OR4K17: variants seen among roughly 807,000 people sequenced by gnomAD.
The protein encoded by OR4K17 is olfactory receptor family 4 subfamily K member 17.
For synonymous variants in OR4K17, 157 were observed against 132.8 expected (o/e 1.18, Z -1.25); for missense variants, 480 against 366.3 (o/e 1.31, Z -2.53).
Position 20,118,045 on chromosome 14 carries a change from T to C in OR4K17, c.546T>C (p.Pro182=). ...NVVDSIFCDL[P]LVTKLACIDI... ...TAGACAGCATTTTTTGTGACCTCCCTTTGGTTACTAAGCTTGCCTGTATAG... is the reference window on the plus strand; with the variant it reads ...TAGACAGCATTTTTTGTGACCTCCCCTTGGTTACTAAGCTTGCCTGTATAG... The change falls in exon 2 of 2, where the codon CCT becomes CCC. Residue 182 remains proline (P), a synonymous_variant. Coordinates refer to ENST00000641386, the MANE Select transcript of OR4K17 (RefSeq NM_001004715.5). The C allele has an allele frequency of 6.2e-7, 1 of 1,614,200 alleles. No individual in the cohort carries two copies. Among genetic ancestry groups the C allele is most frequent in the Non-Finnish European group, 8.5e-7 (1 of 1,180,034 alleles).
In OR4K17 at chr14:20,121,227, A is replaced by G. The variant is rs1878160672; in HGVS notation, c.*2789A>G. 6.6e-6 allele frequency: 1 copy of G among 152,194 alleles called. No individual in the cohort carries two copies. Among genetic ancestry groups the G allele is most frequent in the African/African-American group, 2.4e-5 (1 of 41,456 alleles). 9.4% of individuals were successfully genotyped at this position (152,194 alleles called of 1,614,324 possible). On this transcript the variant is annotated 3_prime_UTR_variant, in exon 2 of 2. Transcript: ENST00000641386. ...GGAGTATCACCATGAAAGGAACACAATAATTTTCCAGTATCTGTCTCCAAA... is the reference window on the plus strand; with the variant it reads ...GGAGTATCACCATGAAAGGAACACAGTAATTTTCCAGTATCTGTCTCCAAA...
At position 20,117,969 on chromosome 14, in the gene OR4K17, G is replaced by C; in HGVS notation, c.470G>C (p.Gly157Ala). 1 of 1,614,024 alleles carries C rather than the reference G, an allele frequency of 6.2e-7. No homozygotes were observed. The highest frequency in any genetic ancestry group is 8.5e-7 in the Non-Finnish European group (1 of 1,179,994). ...TGGCTCTTGGGTCTCCTTCACTCAGGGTTTCAGATACCATTTGCTGTGAAC... is the reference window on the plus strand; with the variant it reads ...TGGCTCTTGGGTCTCCTTCACTCAGCGTTTCAGATACCATTTGCTGTGAAC... ...TSWLLGLLHS[G>A]FQIPFAVNLP... The change falls in exon 2 of 2, where the codon GGG becomes GCG. Residue 157 changes from glycine to alanine, a missense_variant. Physicochemically the swap from Gly to Ala is moderately conservative, Grantham distance 60. Coordinates refer to ENST00000641386, the MANE Select transcript of OR4K17 (RefSeq NM_001004715.5).
intron 1 of OR4K17, among the ~76,000 whole-genome samples, chr14:20,116,905 T>A (rs1239853036): frequency 6.6e-6 from 1 of 152,136 alleles, no homozygotes; most frequent in Non-Finnish European, 1.5e-5. Context: ...TGGTGGAAGA[T>A]AAGGAGGAAA....
At position 20,122,175 on chromosome 14, in the gene OR4K17, G is replaced by A. The variant is rs1012794997; in HGVS notation, c.*3737G>A. 6.6e-6 allele frequency: 1 copy of A among 151,898 alleles called. No individual in the cohort carries two copies. Among genetic ancestry groups the A allele is most frequent in the African/African-American group, 2.4e-5 (1 of 41,402 alleles). 9.4% of individuals were successfully genotyped at this position (151,898 alleles called of 1,614,324 possible). A position where few individuals can be genotyped will look rare whatever the true frequency, so the allele number is the denominator to read the frequency against. ...AACAAAAGACACAGAGTGGCTAAAT[G>A]AATAAAAAGATAAAACCCAACTACA... On this transcript the variant is annotated 3_prime_UTR_variant, in exon 2 of 2. Transcript: ENST00000641386.
chr14:20,117,842 T>A lies in OR4K17; in HGVS notation c.343T>A (p.Leu115Met). 6.2e-7 allele frequency: 1 copy of A among 1,614,124 alleles called. No individual in the cohort carries two copies. The highest frequency in any genetic ancestry group is 1.1e-5 in the South Asian group (1 of 91,080). ...ACTGGGTGGGGTTGAAATGGTACTG[T>A]TGGTCTCCATGGCTTTTGACAGATA... ...HLLGGVEMVL[L>M]VSMAFDRYVA... Residue 115 changes from leucine to methionine, a missense_variant, in exon 2 of 2, where the codon TTG becomes ATG. Physicochemically the swap from Leu to Met is conservative, Grantham distance 15. Coordinates refer to ENST00000641386, the MANE Select transcript of OR4K17 (RefSeq NM_001004715.5).
At chr14:20,114,451 C>A (rs1877944768) in intron 1 of OR4K17, among the ~76,000 whole-genome samples, 1 of 151,932 alleles carries the variant, frequency 6.6e-6, no homozygotes, top group African/African-American at 2.4e-5. Flanking sequence ...CATTGTTTGG[C>A]ATATCCAATT....
At position 20,121,679 on chromosome 14, in the gene OR4K17, T is replaced by A. The variant is rs1195254779; in HGVS notation, c.*3241T>A. 1 of 150,868 alleles carries A rather than the reference T, an allele frequency of 6.6e-6. No homozygotes were observed. Among genetic ancestry groups the A allele is most frequent in the Non-Finnish European group, 1.5e-5 (1 of 67,636 alleles). 9.3% of individuals were successfully genotyped at this position (150,868 alleles called of 1,614,324 possible). A position where few individuals can be genotyped will look rare whatever the true frequency, so the allele number is the denominator to read the frequency against. On this transcript the variant is annotated 3_prime_UTR_variant, in exon 2 of 2. Coordinates refer to ENST00000641386, the MANE Select transcript of OR4K17 (RefSeq NM_001004715.5). ...AGCATATGCTGGAGAAAATAAACTA[T>A]GAATAAATGAAGACGAAAGAGAAAG... is the stretch of plus-strand genomic sequence containing the variant.
At position 20,119,276 on chromosome 14, in the gene OR4K17, T is replaced by G. The variant is rs1878101559; in HGVS notation, c.*838T>G. 3 of 152,202 alleles carry G rather than the reference T, an allele frequency of 2.0e-5. No homozygotes were observed. The South Asian group carries it at 6.2e-4, about 32-fold the overall frequency. The allele number at this position is 152,202 out of a possible 1,614,324, so 9.4% of individuals were successfully genotyped here. A position where few individuals can be genotyped will look rare whatever the true frequency, so the allele number is the denominator to read the frequency against. On this transcript the variant is annotated 3_prime_UTR_variant, in exon 2 of 2. Coordinates refer to ENST00000641386, the MANE Select transcript of OR4K17 (RefSeq NM_001004715.5). ...ATATTGTTTAAACACACATGCTTTA[T>G]GAACAATTTGTGCCATTAACATAAT...
rs1332407906 is a variant in OR4K17, at chr14:20,121,274, CCAGA to C, written c.*2839_*2842del. The C allele has an allele frequency of 1.3e-5, 2 of 152,100 alleles. No individual in the cohort carries two copies. Among genetic ancestry groups the C allele is most frequent in the Admixed American group, 1.3e-4 (2 of 15,260 alleles). 9.4% of individuals were successfully genotyped at this position (152,100 alleles called of 1,614,324 possible). A position where few individuals can be genotyped will look rare whatever the true frequency, so the allele number is the denominator to read the frequency against. On this transcript the variant is annotated 3_prime_UTR_variant, in exon 2 of 2. Coordinates refer to ENST00000641386, the MANE Select transcript of OR4K17 (RefSeq NM_001004715.5). ...CAAAGAAACAGAGACCTATGAACTC[CCAGA>C]CAAAGACTTCACAATAATTGTCTTA...
rs1459064552 is a variant in OR4K17 at position 20,119,330 on chromosome 14, C to T, written c.*892C>T. 7 of 152,052 alleles carry T rather than the reference C, an allele frequency of 4.6e-5. No individual in the cohort carries two copies. The highest frequency in any genetic ancestry group is 1.7e-4 in the African/African-American group (7 of 41,392). 9.4% of individuals were successfully genotyped at this position (152,052 alleles called of 1,614,324 possible). On this transcript the variant is annotated 3_prime_UTR_variant, in exon 2 of 2. Transcript: ENST00000641386. Reference sequence around the variant, plus strand: ...CACAGGGTCCTGAGGCAACATACATCCTCAGCTTAAGAAGATGATGGGATT... The same window carrying T: ...CACAGGGTCCTGAGGCAACATACATTCTCAGCTTAAGAAGATGATGGGATT...
intron 1 of OR4K17, among the ~76,000 whole-genome samples, chr14:20,115,783 AG>A (rs1159069997): frequency 1.3e-5 from 2 of 152,120 alleles, no homozygotes; most frequent in African/African-American, 4.8e-5. Flanking sequence ...AAGTGACATG[AG>A]CTCTAGGGAG....
Position 20,117,655 on chromosome 14 carries a change from C to A in OR4K17, c.156C>A (p.Thr52=), listed in dbSNP as rs769129507. 71 of 1,613,702 alleles carry A rather than the reference C, an allele frequency of 4.4e-5. No homozygotes were observed. Among genetic ancestry groups the A allele is most frequent in the Non-Finnish European group, 5.8e-5 (69 of 1,179,886 alleles). The change falls in exon 2 of 2, where the codon ACC becomes ACA. Residue 52 remains threonine, a synonymous_variant. Transcript: ENST00000641386. ...NLLIIVTVFN[T]PNLNTPMYFL... ...TTATTATAGTCACAGTGTTTAACAC[C>A]CCTAACCTGAATACTCCCATGTATT...
In OR4K17 at chr14:20,118,016, G is replaced by A; in HGVS notation, c.517G>A (p.Val173Met). 5 of 1,614,160 alleles carry A rather than the reference G, an allele frequency of 3.1e-6. No individual in the cohort carries two copies. Among genetic ancestry groups the A allele is most frequent in the Non-Finnish European group, 4.2e-6 (5 of 1,180,014 alleles). ...AVNLPFCGPN[V>M]VDSIFCDLPL... ...GAACTTGCCCTTTTGTGGTCCCAATGTGGTAGACAGCATTTTTTGTGACCT... is the reference window on the plus strand; with the variant it reads ...GAACTTGCCCTTTTGTGGTCCCAATATGGTAGACAGCATTTTTTGTGACCT... The change falls in exon 2 of 2, where the codon GTG (valine) becomes ATG (methionine). Residue 173 changes from valine (V) to methionine (M), a missense_variant. Transcript: ENST00000641386.
rs1048851117 is a variant in OR4K17, at chr14:20,115,396, A to C, written c.-32-2072A>C. On this transcript the variant is annotated intron_variant, in intron 1 of 1. Transcript: ENST00000641386. ...GTATATGCTTATACAATGTTTACAA[A>C]ATGGGTTCATACTGTTTTTAACTTA... 2.0e-5 allele frequency among the ~76,000 whole-genome samples: 3 copies of C among 152,222 alleles called. No individual in the cohort carries two copies. In the East Asian group the frequency reaches 5.8e-4, roughly 29 times the overall value.
At chr14:20,113,185 G>T (rs1233956083) in intron 1 of OR4K17, among the ~76,000 whole-genome samples, 2 of 152,022 alleles carry the variant, frequency 1.3e-5, no homozygotes, top group African/African-American at 4.8e-5. Flanking sequence ...CAGGGCAGCA[G>T]ACAGTTCTAC....
rs183035364 is a variant in OR4K17, at chr14:20,121,628, C to T, written c.*3190C>T. On this transcript the variant is annotated 3_prime_UTR_variant, in exon 2 of 2. Transcript: ENST00000641386. ...AAATGAAAAACCTATAGAGCATTTACAAAAACAAAAAAAATAAAAAATCAA... is the reference window on the plus strand; with the variant it reads ...AAATGAAAAACCTATAGAGCATTTATAAAAACAAAAAAAATAAAAAATCAA... 7 of 147,482 alleles carry T rather than the reference C, an allele frequency of 4.7e-5. 1 individual carries two copies. Among genetic ancestry groups the T allele is most frequent in the African/African-American group, 1.7e-4 (7 of 40,120 alleles). 9.1% of individuals were successfully genotyped at this position (147,482 alleles called of 1,614,324 possible).
intron 1 of OR4K17, among the ~76,000 whole-genome samples, chr14:20,114,229 T>C (rs1364054474): frequency 2.6e-5 from 4 of 152,036 alleles, no homozygotes; most frequent in Admixed American, 1.3e-4. Flanking sequence ...AACTATTCTG[T>C]ATCTCGTGTG....
At position 20,118,061 on chromosome 14, in the gene OR4K17, G is replaced by A. The variant is rs376986637; in HGVS notation, c.562G>A (p.Ala188Thr). The A allele has an allele frequency of 6.2e-6, 10 of 1,614,104 alleles. No homozygotes were observed. The highest frequency in any genetic ancestry group is 1.7e-5 in the Admixed American group (1 of 60,012). ...FCDLPLVTKL[A>T]CIDIYFVQVV... ...TGACCTCCCTTTGGTTACTAAGCTT[G>A]CCTGTATAGACATATATTTTGTACA... Residue 188 changes from alanine (A) to threonine (T), a missense_variant, in exon 2 of 2, where the codon GCC becomes ACC. By Grantham distance (58) the Ala-to-Thr change is moderately conservative. Transcript: ENST00000641386.
In OR4K17 at chr14:20,118,598, C is replaced by A; in HGVS notation, c.*160C>A. The A allele has an allele frequency of 1.9e-6, 1 of 529,612 alleles. No homozygotes were observed. Among genetic ancestry groups the A allele is most frequent in the Non-Finnish European group, 3.3e-6 (1 of 304,196 alleles). 32.8% of individuals were successfully genotyped at this position (529,612 alleles called of 1,614,324 possible). ...GTCTGAGAAATAAAGGGAAAGAATA[C>A]AAAAGAGAGAAATTTTAAAGCTGGG... On this transcript the variant is annotated 3_prime_UTR_variant, in exon 2 of 2. Coordinates refer to ENST00000641386, the MANE Select transcript of OR4K17 (RefSeq NM_001004715.5).
Sources: allele counts gnomAD v4.1 joint callset (sites outside exome capture counted in the v4.1 genomes callset), GRCh38; gene constraint gnomAD v4.1.1; transcripts MANE v1.5; gene names NCBI Gene and HGNC (gene_info 2026-07-23, HGNC 2026-07-21).